HECTD4: variants seen among roughly 807,000 people sequenced by gnomAD.
The protein encoded by HECTD4 is HECT domain E3 ubiquitin protein ligase 4.
Under a neutral mutation model 471.5 loss-of-function variants are expected in HECTD4, and 114 were observed. The ratio of observed to expected loss-of-function variants is 0.24; its 90% CI spans 0.21 to 0.28. The LOEUF (loss-of-function observed/expected upper bound fraction) is 0.28. HECTD4 is among the 10% of genes least tolerant of loss of function. The probability of loss-of-function intolerance (pLI) is 1.00; values close to 1 mark genes in which losing one functional copy is unlikely to be tolerated. For synonymous variants in HECTD4, 2,012 were observed against 2,256.0 expected (o/e 0.89, Z 3.07); for missense variants, 3,866 against 5,651.5 (o/e 0.68, Z 10.13).
chr12:112,355,549 C>T (rs1425495354), intron 1 of HECTD4, among the ~76,000 whole-genome samples: 1 of 151,914 alleles, frequency 6.6e-6, no homozygotes, highest in Non-Finnish European at 1.5e-5. Flanking sequence ...CACCTGAGGT[C>T]GGGAGTTCGA....
Position 112,319,363 on chromosome 12 carries a change from T to C in HECTD4, c.557A>G (p.Lys186Arg), listed in dbSNP as rs2035543424. Reference sequence around the variant, plus strand: ...TCCATTGAGACAGTCAGCAGGCTCCTTGGTCAAGCTCAAAGGCTGGCAGTC... The same window carrying C: ...TCCATTGAGACAGTCAGCAGGCTCCCTGGTCAAGCTCAAAGGCTGGCAGTC... Reference protein sequence around the residue: ...LRDCQPLSLTKEPADCLNGIE... With the variant: ...LRDCQPLSLTREPADCLNGIE... The change falls in exon 2 of 76, where the codon AAG becomes AGG. Residue 186 changes from lysine (K) to arginine (R), a missense_variant. By Grantham distance (26) the Lys-to-Arg change is conservative. Around this residue, in one of 16 missense-constraint regions of HECTD4, gnomAD observed 440 missense variants for 636.0 expected, o/e 0.69. Coordinates refer to ENST00000682272, the MANE Select transcript of HECTD4 (RefSeq NM_001388303.1). The surrounding 1 kb of genome is among the most constrained non-coding windows in gnomAD (Gnocchi z 5.3). The C allele has an allele frequency of 6.5e-7, 1 of 1,536,014 alleles. No individual in the cohort carries two copies. The highest frequency in any genetic ancestry group is 8.7e-7 in the Non-Finnish European group (1 of 1,146,912).
At chr12:112,372,416 T>C (rs2036696383) in intron 1 of HECTD4, among the ~76,000 whole-genome samples, 1 of 151,212 alleles carries the variant, frequency 6.6e-6, no homozygotes, top group Non-Finnish European at 1.5e-5. Context: ...CCCGCCACCA[T>C]GCCCGGCTAA....
chr12:112,165,066 A>G (rs1227735198), intron 72 of HECTD4, among the ~76,000 whole-genome samples: 30 of 140,128 alleles, frequency 2.1e-4, no homozygotes, highest in East Asian at 1.3e-3. Flanking sequence ...GATTACAGGC[A>G]CCCGCCACCA....
intron 1 of HECTD4, among the ~76,000 whole-genome samples, chr12:112,323,917 T>C (rs1162069522): frequency 6.6e-6 from 1 of 151,006 alleles, no homozygotes; most frequent in African/African-American, 2.4e-5. Flanking sequence ...TCATTAAAAA[T>C]AAAAATTAGA....
chr12:112,357,879 A>G (rs1470793383), intron 1 of HECTD4, among the ~76,000 whole-genome samples: 1 of 152,222 alleles, frequency 6.6e-6, no homozygotes, highest in Non-Finnish European at 1.5e-5. Context: ...TTATTCTTTA[A>G]CTGCAGAAGC....
At chr12:112,275,166 T>C (rs770192010) in intron 9 of HECTD4, among the ~76,000 whole-genome samples, 1 of 152,246 alleles carries the variant, frequency 6.6e-6, no homozygotes, top group Non-Finnish European at 1.5e-5. Flanking sequence ...CTAAATTTAA[T>C]ACCGAACCAT....
At position 112,228,792 on chromosome 12, in the gene HECTD4, G is replaced by A. The variant is rs770887700; in HGVS notation, c.6539C>T (p.Ser2180Leu). ...SEVQVLGRGI[S>L]GSIGVVASIN... is the part of the protein sequence containing the mutation. ...AGAAGCCACTACTCCAATGCTTCCTGAAATTCCTCTACCTAAAACCTGGAG... is the reference window on the plus strand; with the variant it reads ...AGAAGCCACTACTCCAATGCTTCCTAAAATTCCTCTACCTAAAACCTGGAG... The change falls in exon 42 of 76, where the codon TCA becomes TTA. Residue 2180 changes from serine (S) to leucine (L), a missense_variant. Physicochemically the swap from Ser to Leu is moderately radical, Grantham distance 145 (BLOSUM62 -2). Transcript: ENST00000682272. This position sits in a 1 kb window ranked among gnomAD's most constrained non-coding sequence, Gnocchi z 4.9. The A allele has an allele frequency of 6.2e-7, 1 of 1,613,762 alleles. No individual in the cohort carries two copies. Among genetic ancestry groups the A allele is most frequent in the Non-Finnish European group, 8.5e-7 (1 of 1,179,820 alleles).
chr12:112,180,911 A>C (rs868739202), intron 62 of HECTD4, among the ~76,000 whole-genome samples: 8 of 152,122 alleles, frequency 5.3e-5, no homozygotes, highest in Non-Finnish European at 1.2e-4. Context: ...CAAGATAAAC[A>C]ATACTTTACT....
chr12:112,201,281 G>A, intron 54 of HECTD4: 3 of 293,884 alleles, frequency 1.0e-5, no homozygotes, highest in Non-Finnish European at 2.0e-5. Context: ...TAGTGGAGGT[G>A]GGGTTTCACC....
chr12:112,270,272 A>T lies in HECTD4; in HGVS notation c.2130T>A (p.Val710=), dbSNP rs368170972. Residue 710 remains valine (V), a synonymous_variant, in exon 12 of 76, where the codon GTT becomes GTA. Transcript: ENST00000682272. ...AGCGTATAATACAGGTATCTCCATT[A>T]ACCATGGCCTTCTCCATAATGTCAC... ...SICDIMEKAM[V]NGDTCIIRCI... The T allele has an allele frequency of 6.2e-7, 1 of 1,613,932 alleles. No homozygotes were observed. The highest frequency in any genetic ancestry group is 1.7e-5 in the Admixed American group (1 of 60,010).
chr12:112,231,471 C>T (rs1034245053), intron 39 of HECTD4, 42 bp downstream of exon 39: 2 of 1,574,154 alleles, frequency 1.3e-6, no homozygotes, highest in East Asian at 2.2e-5. Context: ...ATAAAGTAAA[C>T]CTGAGATGAG....
chr12:112,352,238 G>A (rs991386922), intron 1 of HECTD4, among the ~76,000 whole-genome samples: 4 of 152,094 alleles, frequency 2.6e-5, no homozygotes, highest in African/African-American at 9.7e-5. Flanking sequence ...TCTCAACCCT[G>A]GCTGAATATT....
At chr12:112,337,383 C>T (rs2035977336) in intron 1 of HECTD4, among the ~76,000 whole-genome samples, 3 of 152,030 alleles carry the variant, frequency 2.0e-5, no homozygotes, top group Non-Finnish European at 2.9e-5. Context: ...AAAATATATG[C>T]ACAAATATAC....
intron 58 of HECTD4, 100 bp downstream of exon 58, chr12:112,192,961 A>G: frequency 7.0e-7 from 1 of 1,436,006 alleles, no homozygotes; most frequent in East Asian, 2.3e-5. Flanking sequence ...CATTTGCATT[A>G]AAGAATCAGT....
chr12:112,371,886 C>CAAAAAAA (rs535844706), intron 1 of HECTD4, among the ~76,000 whole-genome samples: 404 of 54,560 alleles, frequency 7.4e-3, no homozygotes, highest in Middle Eastern at 0.011. Flanking sequence ...AACTCTGTCT[C>CAAAAAAA]AAAAAAAAAA....
In HECTD4 at chr12:112,185,380, C is replaced by T. The variant is rs777547247; in HGVS notation, c.9586G>A (p.Gly3196Ser). The change falls in exon 61 of 76, where the codon GGC becomes AGC. Residue 3196 changes from glycine (G) to serine (S), a missense_variant. Physicochemically the swap from Gly to Ser is moderately conservative, Grantham distance 56 (BLOSUM62 0). Transcript: ENST00000682272. ...HTLEQRRHPA[G>S]LSSSIALQLN... The stretch of plus-strand genomic sequence containing the variant: ...TGGAGGGCGATTGAGGAGGACAGGC[C>T]AGCGGGGTGCCGCCTCTGCTCCAGG... The T allele has an allele frequency of 9.9e-6, 16 of 1,611,284 alleles. No individual in the cohort carries two copies. The highest frequency in any genetic ancestry group is 1.3e-5 in the African/African-American group (1 of 74,906).
Position 112,228,280 on chromosome 12 carries a change from G to A in HECTD4, c.6685-22C>T. The stretch of plus-strand genomic sequence containing the variant: ...ATGCCTGATGGCGGTGGGGGGGCAT[G>A]GCAAAAAGTTAAATTCAAGTAGTTA... On this transcript the variant is annotated intron_variant, in intron 42 of 75. Transcript: ENST00000682272. The surrounding 1 kb of genome is among the most constrained non-coding windows in gnomAD (Gnocchi z 4.9). 6.5e-7 allele frequency: 1 copy of A among 1,542,956 alleles called. No individual in the cohort carries two copies. Among genetic ancestry groups the A allele is most frequent in the South Asian group, 1.3e-5 (1 of 79,382 alleles).
rs748923467 is a variant in HECTD4, at chr12:112,193,446, G to A, written c.8955+23C>T. On this transcript the variant is annotated intron_variant, in intron 57 of 75. Transcript: ENST00000682272. The surrounding 1 kb of genome is among the most constrained non-coding windows in gnomAD (Gnocchi z 5.2). The stretch of plus-strand genomic sequence containing the variant: ...GTTAAAAATGGTAACCACACTGCAG[G>A]AACATGAGCTTTAGACTTCTACCTG... 1 of 1,589,624 alleles carries A rather than the reference G, an allele frequency of 6.3e-7. No individual in the cohort carries two copies. The highest frequency in any genetic ancestry group is 1.8e-5 in the Admixed American group (1 of 56,594).
chr12:112,213,879 A>C lies in HECTD4; in HGVS notation c.7466-1229T>G, dbSNP rs1193360994. Among the ~76,000 whole-genome samples, 1 of 151,484 alleles carries C rather than the reference A, an allele frequency of 6.6e-6. No individual in the cohort carries two copies. The highest frequency in any genetic ancestry group is 1.5e-5 in the Non-Finnish European group (1 of 67,882). On this transcript the variant is annotated intron_variant, in intron 48 of 75. Coordinates refer to ENST00000682272, the MANE Select transcript of HECTD4 (RefSeq NM_001388303.1). The surrounding 1 kb of genome is among the most constrained non-coding windows in gnomAD (Gnocchi z 4.0). The stretch of plus-strand genomic sequence containing the variant: ...TCTACAAAAAATACAGAAATTAGTC[A>C]GGCATGGTAGTGTGTGCCTATGGTC...
Sources: allele counts gnomAD v4.1 joint callset (sites outside exome capture counted in the v4.1 genomes callset), GRCh38; gene constraint gnomAD v4.1.1; regional missense constraint gnomAD v4.1.1; non-coding constraint Gnocchi (gnomAD v3.1); transcripts MANE v1.5; gene names NCBI Gene and HGNC (gene_info 2026-07-23, HGNC 2026-07-21).